Variants in CMSS1 observed in about 807,000 individuals in gnomAD.
CMSS1 encodes the protein cms1 ribosomal small subunit homolog, also known as protein CMSS1.
Under a neutral mutation model 43.5 loss-of-function variants are expected in CMSS1, and 33 were observed. The ratio of observed to expected loss-of-function variants is 0.76; its 90% confidence interval spans 0.57 to 1.01. The LOEUF is 1.01. Ranked by LOEUF, CMSS1 falls within the 50% of genes least tolerant of loss-of-function variation. The pLI is 0.00. For missense variants in CMSS1, 313 were observed against 326.4 expected, an observed-to-expected ratio of 0.96 and a Z score of 0.32; for synonymous variants, 115 against 117.2, an observed-to-expected ratio of 0.98 and a Z score of 0.12.
chr3:100,007,628 AT>A lies in CMSS1; in HGVS notation c.65-139341del, dbSNP rs559170994. On this transcript the variant is annotated intron_variant, in intron 1 of 9. Transcript: ENST00000421999. ...CAGAATTGGCCCAGAAAGTGTACAG[AT>A]TTTGCTCTAATTGCATTTCAAGGTC... 2.4e-3 allele frequency among the ~76,000 whole-genome samples: 367 copies of A among 152,290 alleles called. 1 individual carries two copies. The highest frequency in any genetic ancestry group is 8.3e-3 in the African/African-American group (346 of 41,564).
chr3:100,065,299 G>C (rs1391293746), intron 1 of CMSS1, among the ~76,000 whole-genome samples: 1 of 152,098 alleles, frequency 6.6e-6, no homozygotes, highest in Non-Finnish European at 1.5e-5. Context: ...GCTATAGTTT[G>C]AGAACCATTG....
chr3:99,972,617 G>A (rs1259461223), intron 1 of CMSS1, among the ~76,000 whole-genome samples: 1 of 152,128 alleles, frequency 6.6e-6, no homozygotes, highest in African/African-American at 2.4e-5. Context: ...GGGCTGTCGC[G>A]AGAGCTTTCT....
At chr3:99,932,750 G>A (rs778059397) in intron 1 of CMSS1, among the ~76,000 whole-genome samples, 1 of 152,156 alleles carries the variant, frequency 6.6e-6, no homozygotes, top group African/African-American at 2.4e-5. Flanking sequence ...AATTAGCCAG[G>A]TGTGGTGGCA....
chr3:99,834,318 A>G (rs1421578497), intron 1 of CMSS1, among the ~76,000 whole-genome samples: 1 of 152,246 alleles, frequency 6.6e-6, no homozygotes, highest in Non-Finnish European at 1.5e-5. Flanking sequence ...TATGGCTTAT[A>G]TTAAAGAGTT....
chr3:100,167,124 GA>G (rs1289988684), intron 5 of CMSS1, among the ~76,000 whole-genome samples: 1 of 152,114 alleles, frequency 6.6e-6, no homozygotes, highest in African/African-American at 2.4e-5. Context: ...GGCCAGCAAT[GA>G]AATAGTTTAG....
chr3:100,127,128 T>C (rs182805090), intron 1 of CMSS1, among the ~76,000 whole-genome samples: 1 of 152,262 alleles, frequency 6.6e-6, no homozygotes, highest in African/African-American at 2.4e-5. Flanking sequence ...TCCAGCATAT[T>C]TGTGGGACTC....
intron 1 of CMSS1, among the ~76,000 whole-genome samples, chr3:100,005,226 T>C: frequency 6.6e-6 from 1 of 152,206 alleles, no homozygotes. Context: ...TGAAAGGTTG[T>C]TGGTGATAAT....
At chr3:100,160,569 C>T (rs898347266) in intron 3 of CMSS1, 68 bp downstream of exon 3, 3 of 768,390 alleles carry the variant, frequency 3.9e-6, no homozygotes, top group African/African-American at 3.6e-5. Context: ...ATATATCATA[C>T]TTTCTTGAGG....
chr3:100,113,541 T>C (rs2066525449), intron 1 of CMSS1, among the ~76,000 whole-genome samples: 1 of 152,186 alleles, frequency 6.6e-6, no homozygotes, highest in Admixed American at 6.5e-5. Flanking sequence ...AGATACAATA[T>C]AGTTGCCATT....
chr3:100,158,505 A>G (rs2066995364), intron 2 of CMSS1, among the ~76,000 whole-genome samples: 1 of 152,194 alleles, frequency 6.6e-6, no homozygotes. Flanking sequence ...AATACTGTGG[A>G]TTTGGATTTC....
intron 1 of CMSS1, among the ~76,000 whole-genome samples, chr3:99,977,929 C>T (rs1709018053): frequency 6.6e-6 from 1 of 152,028 alleles, no homozygotes; most frequent in South Asian, 2.1e-4. Context: ...GAAAAAATTG[C>T]AGGAAAAATA....
chr3:100,075,948 G>T (rs2065843643), intron 1 of CMSS1, among the ~76,000 whole-genome samples: 1 of 152,112 alleles, frequency 6.6e-6, no homozygotes, highest in African/African-American at 2.4e-5. Flanking sequence ...TTTCTGATAA[G>T]CTCTCCAGGC....
intron 1 of CMSS1, among the ~76,000 whole-genome samples, chr3:99,926,298 A>G (rs1027493854): frequency 6.6e-6 from 1 of 152,248 alleles, no homozygotes; most frequent in Non-Finnish European, 1.5e-5. Context: ...TCATTATGCC[A>G]TACAATTGTT....
intron 1 of CMSS1, among the ~76,000 whole-genome samples, chr3:99,963,642 C>T (rs1708559596): frequency 1.3e-5 from 2 of 151,156 alleles, no homozygotes; most frequent in South Asian, 4.2e-4. Flanking sequence ...GACGGAGTGT[C>T]GCTCTGTAGC....
At chr3:99,849,294 T>C (rs761981604) in intron 1 of CMSS1, 3 of 1,614,182 alleles carry the variant, frequency 1.9e-6, no homozygotes, top group Non-Finnish European at 2.5e-6. Context: ...TAGAAAATAC[T>C]TGAGGATCGG....
chr3:100,177,983 A>G (rs980305070), intron 9 of CMSS1, among the ~76,000 whole-genome samples: 4 of 152,144 alleles, frequency 2.6e-5, no homozygotes, highest in Admixed American at 6.5e-5. Context: ...GCCAGGTATC[A>G]TGGCACACAC....
chr3:99,833,333 A>T lies in CMSS1; in HGVS notation c.64+15290A>T. On this transcript the variant is annotated intron_variant, in intron 1 of 9. Transcript: ENST00000421999. ...AATTCTAAAAGTGTTGGTTTGTTTT[A>T]TCCATAGATTCTCAAAAGAAACCTA... 2.3e-6 allele frequency: 3 copies of T among 1,324,676 alleles called. No homozygotes were observed. The South Asian group carries it at 3.8e-5, about 17-fold the overall frequency. 82.1% of individuals were successfully genotyped at this position (1,324,676 alleles called of 1,614,324 possible).
chr3:99,980,958 C>A (rs773954672), intron 1 of CMSS1, among the ~76,000 whole-genome samples: 3 of 152,000 alleles, frequency 2.0e-5, no homozygotes, highest in Non-Finnish European at 4.4e-5. Context: ...CAATTGGGAC[C>A]CATTTAACCA....
chr3:99,856,177 G>T (rs566251243), intron 1 of CMSS1, among the ~76,000 whole-genome samples: 2 of 152,334 alleles, frequency 1.3e-5, no homozygotes, highest in African/African-American at 4.8e-5. Flanking sequence ...GCTTTCTATA[G>T]TTGTACCTTT....
Sources: gnomAD v4.1 joint callset for allele counts (sites outside exome capture counted in the v4.1 genomes callset) on GRCh38, gnomAD v4.1.1 for gene constraint, MANE v1.5 for transcripts, NCBI Gene and HGNC (gene_info 2026-07-23, HGNC 2026-07-21) for gene names.